The following NCAN variants were observed in gnomAD, a reference collection of about 807,000 sequenced individuals.
The protein encoded by NCAN is neurocan core protein.
A neutral mutation model predicts 121.8 loss-of-function variants in NCAN; 47 were observed. The observed-to-expected ratio is 0.39, with a 90% CI of 0.31 to 0.49. NCAN has a LOEUF of 0.49. Among genes scored for constraint, NCAN ranks in the 20% least tolerant of loss-of-function variants. The pLI is 0.92. For synonymous variants in NCAN, 633 were observed against 702.0 expected, an observed-to-expected ratio of 0.90 and a Z score of 1.55; for missense variants, 1,517 against 1,773.4, an observed-to-expected ratio of 0.86 and a Z score of 2.60.
In NCAN at chr19:19,225,372, C is replaced by A. The variant is rs548616389; in HGVS notation, c.1072+102C>A. Reference sequence around the variant, plus strand: ...GCCAAGGGAGAGACACATGGAAGCTCGCTTTGTGATAAGCCACATCCCTGG... The same window carrying A: ...GCCAAGGGAGAGACACATGGAAGCTAGCTTTGTGATAAGCCACATCCCTGG... On this transcript the variant is annotated intron_variant, in intron 6 of 14. Transcript: ENST00000252575. This position sits in a 1 kb window ranked among gnomAD's most constrained non-coding sequence, Gnocchi z 4.0. 1.6e-4 allele frequency: 214 copies of A among 1,345,738 alleles called. 4 individuals carry two copies. The South Asian group carries it at 3.2e-3, about 20-fold the overall frequency. 83.4% of individuals were successfully genotyped at this position (1,345,738 alleles called of 1,614,324 possible).
At chr19:19,236,307 A>G (rs912446473) in intron 10 of NCAN, among the ~76,000 whole-genome samples, 1 of 152,120 alleles carries the variant, frequency 6.6e-6, no homozygotes, top group East Asian at 1.9e-4. Context: ...TTCACTTGGC[A>G]TGTTTTCAAG....
rs1223102510 is a variant in NCAN at position 19,225,432 on chromosome 19, G to T, written c.1072+162G>T. Reference sequence around the variant, plus strand: ...ACGCCCCCGGGTGAAGGCCACACCCGTTACGACAAGTCTTTCCCTAGGAGC... The same window carrying T: ...ACGCCCCCGGGTGAAGGCCACACCCTTTACGACAAGTCTTTCCCTAGGAGC... On this transcript the variant is annotated intron_variant, in intron 6 of 14. Coordinates refer to ENST00000252575, the MANE Select transcript of NCAN (RefSeq NM_004386.3). This position sits in a 1 kb window ranked among gnomAD's most constrained non-coding sequence, Gnocchi z 4.0. Among the ~76,000 whole-genome samples the T allele has an allele frequency of 6.6e-6, 1 of 152,206 alleles. No individual in the cohort carries two copies. The highest frequency in any genetic ancestry group is 1.5e-5 in the Non-Finnish European group (1 of 68,022).
chr19:19,220,225 G>A (rs957907801), intron 3 of NCAN, among the ~76,000 whole-genome samples: 1 of 151,818 alleles, frequency 6.6e-6, no homozygotes, highest in Non-Finnish European at 1.5e-5. Context: ...TAAGCTCACT[G>A]CATCCTCCGT....
chr19:19,239,296 G>C (rs2060893328), intron 11 of NCAN, among the ~76,000 whole-genome samples: 1 of 151,846 alleles, frequency 6.6e-6, no homozygotes, highest in Non-Finnish European at 1.5e-5. Flanking sequence ...GGTGGGGTGA[G>C]GATGCACCTC....
intron 1 of NCAN, among the ~76,000 whole-genome samples, chr19:19,214,195 C>A (rs147928273): frequency 6.6e-6 from 1 of 151,878 alleles, no homozygotes; most frequent in Non-Finnish European, 1.5e-5. Context: ...GGAGGGGACA[C>A]ACACACACTT....
intron 3 of NCAN, among the ~76,000 whole-genome samples, chr19:19,220,341 ATAAACT>A (rs1251340688): frequency 6.6e-6 from 1 of 152,104 alleles, no homozygotes; most frequent in East Asian, 1.9e-4. Flanking sequence ...TCCTTGTAAA[ATAAACT>A]TAAGTTTTTT....
Position 19,249,876 on chromosome 19 carries a change from G to A in NCAN, c.3931G>A (p.Glu1311Lys). 3 of 1,613,984 alleles carry A rather than the reference G, an allele frequency of 1.9e-6. No homozygotes were observed. Among genetic ancestry groups the A allele is most frequent in the African/African-American group, 1.3e-5 (1 of 74,986 alleles). The change falls in exon 15 of 15, where the codon GAG becomes AAG. Residue 1311 changes from glutamate (E) to lysine (K), a missense_variant. Transcript: ENST00000252575. ...CAGAAAACACAAGAAACACCCAACG[G>A]AGGACTGGGAGAAGGACGAAGGGAA... ...ERRKHKKHPT[E>K]DWEKDEGNFC
rs1568603506 is a variant in NCAN, at chr19:19,245,301, C to CT, written c.3493-11dup. ...GGTCCCCTGAACAACTCCCTGCCCC[C>CT]TATTCCTGCAGCAATTTGAGAACTG... On this transcript the variant is annotated splice_polypyrimidine_tract_variant and intron_variant, in intron 12 of 14. Coordinates refer to ENST00000252575, the MANE Select transcript of NCAN (RefSeq NM_004386.3). 20 of 1,613,532 alleles carry CT rather than the reference C, an allele frequency of 1.2e-5. No individual in the cohort carries two copies. The highest frequency in any genetic ancestry group is 1.6e-5 in the Non-Finnish European group (19 of 1,179,704).
chr19:19,232,533 G>A (rs2060864233), intron 8 of NCAN, among the ~76,000 whole-genome samples: 1 of 152,336 alleles, frequency 6.6e-6, no homozygotes, highest in East Asian at 1.9e-4. Flanking sequence ...TACCGCAGGA[G>A]GGCCAGCTGC....
chr19:19,245,155 C>T (rs2060919849), intron 12 of NCAN, among the ~76,000 whole-genome samples, 158 bp from the exon 13 acceptor site: 1 of 152,178 alleles, frequency 6.6e-6, no homozygotes, highest in South Asian at 2.1e-4. Context: ...GTGGTGGCCC[C>T]CGTCAGGATG....
rs751506216 is a variant in NCAN, at chr19:19,228,500, G to C, written c.2880G>C (p.Leu960=). 1.9e-6 allele frequency: 3 copies of C among 1,613,522 alleles called. No individual in the cohort carries two copies. In the South Asian group the frequency reaches 3.3e-5, roughly 18 times the overall value. ...TVPWDPSSTL[L]PVTLGIEDFE... The stretch of plus-strand genomic sequence containing the variant: ...CGTGGGACCCCTCCAGCACCCTGCT[G>C]CCTGTCACCCTGGGCATAGAGGACT... The change falls in exon 8 of 15, where the codon CTG becomes CTC. Residue 960 remains leucine, a synonymous_variant. Transcript: ENST00000252575.
In NCAN at chr19:19,248,680, T is replaced by C. The variant is rs764914179; in HGVS notation, c.3638-20T>C. The C allele has an allele frequency of 6.2e-7, 1 of 1,607,702 alleles. No individual in the cohort carries two copies. Among genetic ancestry groups the C allele is most frequent in the Non-Finnish European group, 8.5e-7 (1 of 1,175,424 alleles). ...CCCCAGATGTGAGCACCTCTCTCAC[T>C]AGAGATTCCTCTGTCCCAGTGCTCT... On this transcript the variant is annotated intron_variant, in intron 13 of 14. Coordinates refer to ENST00000252575, the MANE Select transcript of NCAN (RefSeq NM_004386.3).
chr19:19,231,419 C>T (rs967211042), intron 8 of NCAN, among the ~76,000 whole-genome samples: 17 of 151,724 alleles, frequency 1.1e-4, no homozygotes, highest in African/African-American at 3.9e-4. Flanking sequence ...ACCTCCGCCT[C>T]CCAGGTTCAA....
chr19:19,234,023 T>C, intron 9 of NCAN, 118 bp downstream of exon 9: 1 of 653,364 alleles, frequency 1.5e-6, no homozygotes. Context: ...TTTCAGATGC[T>C]CCATTCCCAA....
At chr19:19,216,468 C>T (rs750785372) in intron 1 of NCAN, among the ~76,000 whole-genome samples, 46 of 152,230 alleles carry the variant, frequency 3.0e-4, no homozygotes, top group Non-Finnish European at 6.0e-4. Context: ...CCTGCCACCA[C>T]GCCCAGCTAA....
intron 14 of NCAN, chr19:19,249,088 TGA>T (rs961313095): frequency 1.8e-6 from 1 of 557,692 alleles, no homozygotes; most frequent in Non-Finnish European, 3.1e-6. Context: ...TGTATGTGTA[TGA>T]GAGAGAGATG....
intron 4 of NCAN, 22 bp downstream of exon 4, chr19:19,224,217 GGGAGATGAAGACTA>G: frequency 6.3e-7 from 1 of 1,587,096 alleles, no homozygotes; most frequent in Non-Finnish European, 8.6e-7. Flanking sequence ...ACACAGGGCA[GGGAGATGAAGACTA>G]GCTCATGGGG....
intron 10 of NCAN, among the ~76,000 whole-genome samples, chr19:19,235,978 C>T (rs751878927): frequency 6.6e-6 from 1 of 152,160 alleles, no homozygotes; most frequent in African/African-American, 2.4e-5. Context: ...AACTCCTGAG[C>T]TCAAGCAATC....
At chr19:19,228,678 G>C (rs1436047804) in intron 8 of NCAN, 39 bp downstream of exon 8, 2 of 1,562,184 alleles carry the variant, frequency 1.3e-6, no homozygotes, top group South Asian at 2.4e-5. Flanking sequence ...AGCTCTCCAT[G>C]GTCAGGGCTT....
Sources: gnomAD v4.1 joint callset for allele counts (sites outside exome capture counted in the v4.1 genomes callset) on GRCh38, gnomAD v4.1.1 for gene constraint, Gnocchi (gnomAD v3.1) non-coding constraint, MANE v1.5 for transcripts, NCBI Gene and HGNC (gene_info 2026-07-23, HGNC 2026-07-21) for gene names.